Variants in NCAM2 observed in about 807,000 individuals in gnomAD.
The protein encoded by NCAM2 is neural cell adhesion molecule 2, also known as N-CAM-2.
Under a neutral mutation model 98.1 loss-of-function variants are expected in NCAM2, and 30 were observed. The observed-to-expected ratio is 0.31, with a 90% CI of 0.23 to 0.41. The LOEUF (loss-of-function observed/expected upper bound fraction) is 0.41, where lower values mean the gene tolerates loss of function less well. NCAM2 is among the 10% of genes least tolerant of loss of function. The probability of loss-of-function intolerance (pLI) is 1.00; values close to 1 mark genes in which losing one functional copy is unlikely to be tolerated. For synonymous variants in NCAM2, 368 were observed against 342.4 expected (o/e 1.07, Z -0.83); for missense variants, 867 against 1,005.8 (o/e 0.86, Z 1.87).
At chr21:21,140,976 G>A (rs116018582) in intron 1 of NCAM2, among the ~76,000 whole-genome samples, 301 of 152,174 alleles carry the variant, frequency 2.0e-3, no homozygotes, top group African/African-American at 6.8e-3. Context: ...TGCTGTGAAG[G>A]ACTCTATATT....
intron 1 of NCAM2, among the ~76,000 whole-genome samples, chr21:21,111,613 A>G (rs2066455979): frequency 6.6e-6 from 1 of 152,228 alleles, no homozygotes; most frequent in Non-Finnish European, 1.5e-5. Flanking sequence ...GGGATAATCC[A>G]TTCACAGGAA....
chr21:21,106,111 A>G (rs981994313), intron 1 of NCAM2, among the ~76,000 whole-genome samples: 1 of 152,050 alleles, frequency 6.6e-6, no homozygotes, highest in Non-Finnish European at 1.5e-5. Context: ...ATTTGAGACC[A>G]GCCTGAGCAA....
At chr21:21,062,109 T>C (rs1158528199) in intron 1 of NCAM2, among the ~76,000 whole-genome samples, 1 of 152,156 alleles carries the variant, frequency 6.6e-6, no homozygotes, top group Admixed American at 6.6e-5. Context: ...AAAGTTTTAA[T>C]ATTAATTTGA....
At chr21:21,022,039 A>G (rs1276641520) in intron 1 of NCAM2, among the ~76,000 whole-genome samples, 1 of 152,166 alleles carries the variant, frequency 6.6e-6, no homozygotes, top group Non-Finnish European at 1.5e-5. Flanking sequence ...TTTGGTTTAT[A>G]TAAAGTTAAA....
intron 12 of NCAM2, among the ~76,000 whole-genome samples, chr21:21,437,952 T>G (rs1242781206): frequency 6.6e-6 from 1 of 152,060 alleles, no homozygotes; most frequent in Non-Finnish European, 1.5e-5. Context: ...AAAGCTTGTT[T>G]GTGCCTTCGT....
intron 1 of NCAM2, among the ~76,000 whole-genome samples, chr21:21,020,643 C>A (rs191342866): frequency 1.3e-3 from 201 of 152,276 alleles, no homozygotes; most frequent in African/African-American, 4.6e-3. Context: ...TGCTCTCCCT[C>A]GGGACTTGGC....
intron 15 of NCAM2, among the ~76,000 whole-genome samples, chr21:21,503,798 A>G (rs1262957353): frequency 6.6e-6 from 1 of 151,932 alleles, no homozygotes; most frequent in East Asian, 1.9e-4. Flanking sequence ...GCTCAGAGGG[A>G]AACTGATTCT....
At chr21:21,198,027 T>C (rs1013430624) in intron 1 of NCAM2, among the ~76,000 whole-genome samples, 1 of 152,200 alleles carries the variant, frequency 6.6e-6, no homozygotes, top group Non-Finnish European at 1.5e-5. Context: ...CTTCCTACTT[T>C]ACCTGGTTCA....
intron 11 of NCAM2, among the ~76,000 whole-genome samples, chr21:21,429,340 A>T (rs2077280370): frequency 6.6e-6 from 1 of 152,220 alleles, no homozygotes; most frequent in Non-Finnish European, 1.5e-5. Flanking sequence ...AAAAACAAAC[A>T]ATCATGTTTA....
At chr21:21,328,385 A>C (rs1181003936) in intron 6 of NCAM2, among the ~76,000 whole-genome samples, 1 of 152,154 alleles carries the variant, frequency 6.6e-6, no homozygotes, top group Non-Finnish European at 1.5e-5. Flanking sequence ...GAGAGAAGTT[A>C]ACTGTAAAAC....
At chr21:21,389,752 A>C (rs1480805645) in intron 9 of NCAM2, among the ~76,000 whole-genome samples, 1 of 152,164 alleles carries the variant, frequency 6.6e-6, no homozygotes, top group African/African-American at 2.4e-5. Flanking sequence ...ATAAGATTTC[A>C]TTCTCTTTTA....
At chr21:21,027,874 G>A (rs963309914) in intron 1 of NCAM2, among the ~76,000 whole-genome samples, 1 of 89,422 alleles carries the variant, frequency 1.1e-5, no homozygotes, top group Non-Finnish European at 2.3e-5. Flanking sequence ...TTTTTTTTTT[G>A]AGACGTCGTT....
intron 15 of NCAM2, among the ~76,000 whole-genome samples, chr21:21,484,751 T>G (rs1426026265): frequency 6.6e-6 from 1 of 152,198 alleles, no homozygotes; most frequent in African/African-American, 2.4e-5. Flanking sequence ...GTGGATAATT[T>G]GTCAGAAAAT....
At chr21:21,344,037 A>G (rs2075119963) in intron 8 of NCAM2, among the ~76,000 whole-genome samples, 1 of 152,126 alleles carries the variant, frequency 6.6e-6, no homozygotes, top group African/African-American at 2.4e-5. Flanking sequence ...GAGGACTTGG[A>G]TACTAGCTCA....
chr21:21,459,237 C>G (rs541554861), intron 12 of NCAM2, among the ~76,000 whole-genome samples: 2 of 151,910 alleles, frequency 1.3e-5, no homozygotes, highest in African/African-American at 4.8e-5. Context: ...ACAGTGTACA[C>G]TTGTACACTG....
intron 1 of NCAM2, among the ~76,000 whole-genome samples, chr21:21,143,291 T>C (rs1488204963): frequency 6.6e-6 from 1 of 152,206 alleles, no homozygotes; most frequent in African/African-American, 2.4e-5. Flanking sequence ...GAAGTGTGTG[T>C]CAACGCATCT....
intron 5 of NCAM2, among the ~76,000 whole-genome samples, chr21:21,298,588 C>CAGAT (rs58405004): frequency 0.039 from 5,684 of 147,558 alleles, 205 homozygotes; most frequent in East Asian, 0.1. Flanking sequence ...ATGATAGATA[C>CAGAT]AGATAGATAG....
chr21:21,103,082 C>T (rs1482949875), intron 1 of NCAM2, among the ~76,000 whole-genome samples: 2 of 151,972 alleles, frequency 1.3e-5, no homozygotes, highest in Non-Finnish European at 2.9e-5. Context: ...AAGAAAGTGA[C>T]GCTAGCTTAC....
chr21:21,265,445 TACAC>T (rs35787286), intron 1 of NCAM2, among the ~76,000 whole-genome samples: 1 of 89,260 alleles, frequency 1.1e-5, no homozygotes, highest in African/African-American at 3.8e-5. Context: ...ATATTATATA[TACAC>T]ACATATATAA....
Sources: allele counts gnomAD v4.1 joint callset (sites outside exome capture counted in the v4.1 genomes callset), GRCh38; gene constraint gnomAD v4.1.1; transcripts MANE v1.5; gene names NCBI Gene and HGNC (gene_info 2026-07-23, HGNC 2026-07-21).